Variants in NLGN1 observed in about 807,000 individuals in gnomAD.
NLGN1 encodes neuroligin 1.
NLGN1 carries 12 observed loss-of-function variants against 65.5 expected under a neutral mutation model. The observed-to-expected ratio is 0.18, with a 90% CI of 0.12 to 0.30. NLGN1 has a LOEUF of 0.30. Ranked by LOEUF, NLGN1 falls within the 10% of genes least tolerant of loss-of-function variation. The pLI is 1.00. For synonymous variants in NLGN1, 350 were observed against 359.5 expected, an observed-to-expected ratio of 0.97 and a Z score of 0.30; for missense variants, 750 against 1,007.1, an observed-to-expected ratio of 0.74 and a Z score of 3.46.
At chr3:174,135,126 T>C (rs1306364157) in intron 4 of NLGN1, among the ~76,000 whole-genome samples, 2 of 152,234 alleles carry the variant, frequency 1.3e-5, no homozygotes, top group Non-Finnish European at 2.9e-5. Flanking sequence ...TTAAGATTTC[T>C]AATGCATCTT....
chr3:173,832,549 T>G (rs1722815794), intron 4 of NLGN1, among the ~76,000 whole-genome samples: 2 of 152,204 alleles, frequency 1.3e-5, no homozygotes, highest in Admixed American at 1.3e-4. Flanking sequence ...AACAAAAAGG[T>G]ATGTATGAAA....
intron 4 of NLGN1, among the ~76,000 whole-genome samples, chr3:174,173,007 TGA>T: frequency 6.6e-6 from 1 of 152,116 alleles, no homozygotes; most frequent in East Asian, 1.9e-4. Context: ...CAACAATGTT[TGA>T]AAGTTTTTAT....
intron 4 of NLGN1, among the ~76,000 whole-genome samples, chr3:174,216,655 T>G (rs996049892): frequency 6.6e-6 from 1 of 152,080 alleles, no homozygotes; most frequent in African/African-American, 2.4e-5. Context: ...AACTACCTCC[T>G]TTGCCATGTT....
At chr3:173,977,111 A>G (rs202005828) in intron 4 of NLGN1, among the ~76,000 whole-genome samples, 28 of 142,594 alleles carry the variant, frequency 2.0e-4, no homozygotes, top group African/African-American at 5.6e-4. Flanking sequence ...ACACACGCAC[A>G]CACACACACA....
At chr3:173,781,220 C>G (rs1034397938) in intron 3 of NLGN1, among the ~76,000 whole-genome samples, 9 of 150,670 alleles carry the variant, frequency 6.0e-5, no homozygotes, top group Non-Finnish European at 1.0e-4. Flanking sequence ...ATGTCACATA[C>G]TGTACTCATA....
At chr3:173,483,459 A>T (rs936048396) in intron 2 of NLGN1, among the ~76,000 whole-genome samples, 2 of 152,092 alleles carry the variant, frequency 1.3e-5, no homozygotes, top group African/African-American at 4.8e-5. Flanking sequence ...AATTAATGTT[A>T]TTCTACTAGT....
At chr3:174,275,803 A>G (rs904014127) in intron 5 of NLGN1, among the ~76,000 whole-genome samples, 1 of 151,942 alleles carries the variant, frequency 6.6e-6, no homozygotes, top group African/African-American at 2.4e-5. Context: ...GGTGATTTGA[A>G]GAAAAAATCA....
intron 4 of NLGN1, among the ~76,000 whole-genome samples, chr3:173,813,657 A>T (rs1416303856): frequency 6.6e-6 from 1 of 152,240 alleles, no homozygotes; most frequent in East Asian, 1.9e-4. Flanking sequence ...TTGAATAGTA[A>T]TACAGAGAAA....
intron 3 of NLGN1, among the ~76,000 whole-genome samples, chr3:173,742,983 TA>T (rs1560278933): frequency 4.6e-5 from 7 of 152,166 alleles, no homozygotes; most frequent in African/African-American, 1.4e-4. Flanking sequence ...TAATCTTCAA[TA>T]TAGAGATTGC....
chr3:173,509,554 A>T (rs1358842815), intron 2 of NLGN1, among the ~76,000 whole-genome samples: 1 of 152,162 alleles, frequency 6.6e-6, no homozygotes, highest in East Asian at 1.9e-4. Flanking sequence ...TTGAAGCTCC[A>T]ATGAGCCATA....
chr3:174,056,250 A>G (rs948200938), intron 4 of NLGN1, among the ~76,000 whole-genome samples: 10 of 151,956 alleles, frequency 6.6e-5, no homozygotes, highest in African/African-American at 2.2e-4. Flanking sequence ...TGATGTAATG[A>G]GTATGTTGGT....
intron 2 of NLGN1, among the ~76,000 whole-genome samples, chr3:173,492,091 A>G (rs1210156365): frequency 6.6e-6 from 1 of 151,804 alleles, no homozygotes; most frequent in Admixed American, 6.6e-5. Flanking sequence ...CTCTGGGTTT[A>G]CTCTATGTAT....
intron 2 of NLGN1, among the ~76,000 whole-genome samples, chr3:173,594,204 A>G (rs1749056418): frequency 6.6e-6 from 1 of 152,232 alleles, no homozygotes; most frequent in African/African-American, 2.4e-5. Context: ...ATCTGAGGAA[A>G]GGCAAGCCCC....
At chr3:173,637,008 T>C (rs903236098) in intron 3 of NLGN1, among the ~76,000 whole-genome samples, 3 of 152,216 alleles carry the variant, frequency 2.0e-5, no homozygotes, top group Middle Eastern at 3.4e-3. Flanking sequence ...CAAAGAGAAA[T>C]AAGATAAATT....
intron 2 of NLGN1, among the ~76,000 whole-genome samples, chr3:173,460,058 A>T (rs967376949): frequency 1.1e-4 from 17 of 152,080 alleles, no homozygotes; most frequent in African/African-American, 3.9e-4. Flanking sequence ...AATATTTTTT[A>T]ATTAACATAT....
At chr3:174,142,863 G>T (rs1289618356) in intron 4 of NLGN1, among the ~76,000 whole-genome samples, 1 of 152,234 alleles carries the variant, frequency 6.6e-6, no homozygotes, top group Admixed American at 6.5e-5. Context: ...AAAGAAAAGA[G>T]GTTTATTTGG....
chr3:173,707,970 T>G (rs1049283584), intron 3 of NLGN1, among the ~76,000 whole-genome samples: 1 of 152,262 alleles, frequency 6.6e-6, no homozygotes, highest in African/African-American at 2.4e-5. Flanking sequence ...TGCCTTTTAC[T>G]ATCATAAATG....
At chr3:173,698,239 G>C (rs925993453) in intron 3 of NLGN1, among the ~76,000 whole-genome samples, 1 of 152,148 alleles carries the variant, frequency 6.6e-6, no homozygotes, top group Non-Finnish European at 1.5e-5. Context: ...TGATGATAAT[G>C]CTTATGGTAT....
intron 3 of NLGN1, among the ~76,000 whole-genome samples, chr3:173,708,139 C>T (rs1768343310): frequency 6.6e-6 from 1 of 152,130 alleles, no homozygotes; most frequent in Admixed American, 6.5e-5. Context: ...AGTCCTGCCC[C>T]TAACGTTTTG....
Sources: gnomAD v4.1 joint callset for allele counts (sites outside exome capture counted in the v4.1 genomes callset) on GRCh38, gnomAD v4.1.1 for gene constraint, MANE v1.5 for transcripts, NCBI Gene and HGNC (gene_info 2026-07-23, HGNC 2026-07-21) for gene names.